SETBP1: variants seen among roughly 807,000 people sequenced by gnomAD.
The protein encoded by SETBP1 is SET-binding protein.
Under a neutral mutation model 101.0 loss-of-function variants are expected in SETBP1, and 9 were observed. That is an observed-to-expected ratio of 0.09 (90% CI 0.05 to 0.16). The LOEUF is 0.16. SETBP1 is among the 10% of genes least tolerant of loss of function. The pLI is 1.00. For synonymous variants in SETBP1, 818 were observed against 788.5 expected (o/e 1.04, Z -0.63); for missense variants, 1,858 against 2,033.8 (o/e 0.91, Z 1.66).
chr18:45,056,318 C>T lies in SETBP1; in HGVS notation c.4172-6761C>T, dbSNP rs1183525575. ...CCTGCTACAGATTTAAAATATGGGA[C>T]ACTGACAGCACCCTGAAAGCCAGTG... On this transcript the variant is annotated intron_variant, in intron 5 of 5. Transcript: ENST00000649279. Among the ~76,000 whole-genome samples, 3 of 152,116 alleles carry T rather than the reference C, an allele frequency of 2.0e-5. No individual in the cohort carries two copies. In the East Asian group the frequency reaches 5.8e-4, roughly 29 times the overall value.
intron 3 of SETBP1, among the ~76,000 whole-genome samples, chr18:44,874,951 C>T (rs1225786331): frequency 6.6e-6 from 1 of 152,138 alleles, no homozygotes; most frequent in Non-Finnish European, 1.5e-5. Context: ...AAAAGGAAGG[C>T]TGAAGCAGGG....
At chr18:44,757,394 C>T (rs1036210941) in intron 2 of SETBP1, among the ~76,000 whole-genome samples, 3 of 152,202 alleles carry the variant, frequency 2.0e-5, no homozygotes, top group African/African-American at 7.2e-5. Flanking sequence ...TCTGTAGAGC[C>T]TGCCTCACTG....
At chr18:44,811,943 T>G (rs1371582154) in intron 2 of SETBP1, among the ~76,000 whole-genome samples, 1 of 152,236 alleles carries the variant, frequency 6.6e-6, no homozygotes, top group Non-Finnish European at 1.5e-5. Context: ...GCAGGACAGC[T>G]GATTCACCAG....
chr18:44,760,410 T>C (rs2070611699), intron 2 of SETBP1, among the ~76,000 whole-genome samples: 1 of 152,206 alleles, frequency 6.6e-6, no homozygotes, highest in Non-Finnish European at 1.5e-5. Context: ...CTGCCTTGGT[T>C]ACCCAAGATC....
chr18:44,730,013 G>A (rs141401032), intron 2 of SETBP1, among the ~76,000 whole-genome samples: 62 of 152,266 alleles, frequency 4.1e-4, no homozygotes, highest in African/African-American at 1.4e-3. Context: ...TGAGTGTGAC[G>A]TGAGGTCTAG....
chr18:44,791,013 A>G (rs2071360997), intron 2 of SETBP1, among the ~76,000 whole-genome samples: 1 of 152,230 alleles, frequency 6.6e-6, no homozygotes, highest in Non-Finnish European at 1.5e-5. Flanking sequence ...GACCCTGGGA[A>G]TACACAGGCT....
At chr18:44,755,228 C>G (rs1265735192) in intron 2 of SETBP1, among the ~76,000 whole-genome samples, 1 of 152,154 alleles carries the variant, frequency 6.6e-6, no homozygotes, top group Non-Finnish European at 1.5e-5. Flanking sequence ...TTTACAGATG[C>G]TTGTGTGATG....
At chr18:45,003,835 A>G (rs1447067819) in intron 4 of SETBP1, among the ~76,000 whole-genome samples, 1 of 152,136 alleles carries the variant, frequency 6.6e-6, no homozygotes, top group Non-Finnish European at 1.5e-5. Flanking sequence ...GAAGGGTGAC[A>G]TTTCTTATCA....
intron 3 of SETBP1, among the ~76,000 whole-genome samples, chr18:44,904,188 G>A (rs1258511172): frequency 6.6e-6 from 1 of 152,068 alleles, no homozygotes; most frequent in East Asian, 1.9e-4. Context: ...TAAAATCAAT[G>A]ACACTATCGC....
chr18:44,909,811 AC>A (rs1304626676), intron 3 of SETBP1, among the ~76,000 whole-genome samples: 1 of 152,230 alleles, frequency 6.6e-6, no homozygotes, highest in Non-Finnish European at 1.5e-5. Context: ...TCCGAGACGT[AC>A]CATGCTATAC....
At chr18:44,795,078 C>T (rs183569887) in intron 2 of SETBP1, among the ~76,000 whole-genome samples, 93 of 152,180 alleles carry the variant, frequency 6.1e-4, no homozygotes, top group African/African-American at 2.2e-3. Flanking sequence ...TACCTAAGTG[C>T]AATAAATCTA....
intron 2 of SETBP1, among the ~76,000 whole-genome samples, chr18:44,861,825 A>G (rs2144641213): frequency 6.6e-6 from 1 of 152,350 alleles, no homozygotes. Flanking sequence ...CCTACATAAA[A>G]TCCAGTTTTC....
At chr18:45,018,780 C>T (rs532730743) in intron 4 of SETBP1, among the ~76,000 whole-genome samples, 47 of 152,238 alleles carry the variant, frequency 3.1e-4, no homozygotes, top group Admixed American at 9.8e-4. Context: ...TCTATGAATT[C>T]GAAATGTCAT....
intron 2 of SETBP1, among the ~76,000 whole-genome samples, chr18:44,835,534 T>C (rs2072477730): frequency 1.3e-5 from 2 of 152,216 alleles, no homozygotes; most frequent in African/African-American, 4.8e-5. Context: ...TGAATAGTTC[T>C]AAAAAAGAAT....
At chr18:44,930,784 C>T (rs1405231359) in intron 3 of SETBP1, among the ~76,000 whole-genome samples, 1 of 151,708 alleles carries the variant, frequency 6.6e-6, no homozygotes, top group Non-Finnish European at 1.5e-5. Context: ...GTGGTGATAT[C>T]CCCTTTATCA....
At chr18:44,857,747 G>A (rs1245951047) in intron 2 of SETBP1, among the ~76,000 whole-genome samples, 1 of 152,160 alleles carries the variant, frequency 6.6e-6, no homozygotes, top group African/African-American at 2.4e-5. Context: ...GGCCAAAAAT[G>A]GGTAGACTGT....
intron 1 of SETBP1, among the ~76,000 whole-genome samples, chr18:44,691,551 G>A (rs970360299): frequency 1.3e-5 from 2 of 152,172 alleles, no homozygotes; most frequent in Admixed American, 1.3e-4. Context: ...GTTCCCAGAG[G>A]AGACACTGTT....
intron 2 of SETBP1, among the ~76,000 whole-genome samples, chr18:44,854,734 A>C (rs370436830): frequency 4.3e-4 from 65 of 152,182 alleles, no homozygotes; most frequent in African/African-American, 1.5e-3. Flanking sequence ...GCCAGTGGGC[A>C]CTTTTTTTCA....
chr18:44,680,371 C>G (rs1390398712), upstream of SETBP1: 3 of 151,674 alleles, frequency 2.0e-5, no homozygotes, highest in Non-Finnish European at 4.4e-5. Context: ...CCGGGGCCAG[C>G]GGAGCCGGAG....
Sources: allele counts gnomAD v4.1 joint callset (sites outside exome capture counted in the v4.1 genomes callset), GRCh38; gene constraint gnomAD v4.1.1; transcripts MANE v1.5; gene names NCBI Gene and HGNC (gene_info 2026-07-23, HGNC 2026-07-21).